SRI: variants seen among roughly 807,000 people sequenced by gnomAD.
SRI encodes the protein 22 kDa protein.
Under a neutral mutation model 33.3 loss-of-function variants are expected in SRI, and 30 were observed. The observed-to-expected ratio is 0.90, with a 90% CI of 0.67 to 1.22. The LOEUF (loss-of-function observed/expected upper bound fraction) is 1.22. Ranked by LOEUF, SRI falls within the 50% of genes most tolerant of loss-of-function variation. SRI has a pLI of 0.00. For synonymous variants in SRI, 75 were observed against 89.9 expected (o/e 0.83, Z 0.94); for missense variants, 243 against 250.8 (o/e 0.97, Z 0.21).
chr7:88,226,215 A>G (rs1249840806), intron 1 of SRI, among the ~76,000 whole-genome samples: 2 of 152,150 alleles, frequency 1.3e-5, no homozygotes, highest in African/African-American at 4.8e-5. Flanking sequence ...TTTTTCATAA[A>G]GGTCACTTTA....
At chr7:88,207,304 G>A (rs6961480) in intron 7 of SRI, among the ~76,000 whole-genome samples, 6,666 of 152,122 alleles carry the variant, frequency 0.044, 507 homozygotes, top group African/African-American at 0.15. Flanking sequence ...AACAGCAAGG[G>A]GACTGTCAAC....
upstream of SRI, chr7:88,220,091 C>A: frequency 6.9e-7 from 1 of 1,451,800 alleles, no homozygotes; most frequent in Non-Finnish European, 9.0e-7. Flanking sequence ...CTGCCCCGCC[C>A]CGCCCTGCCG....
intron 1 of SRI, 135 bp downstream of exon 1, chr7:88,219,841 A>T: frequency 9.1e-7 from 1 of 1,093,910 alleles, no homozygotes; most frequent in Admixed American, 2.5e-5. Flanking sequence ...CCGCGAGCGC[A>T]GGGAGAAGCC....
intron 1 of SRI, among the ~76,000 whole-genome samples, chr7:88,225,278 A>G (rs1410088727): frequency 2.0e-5 from 3 of 152,220 alleles, no homozygotes; most frequent in Admixed American, 2.0e-4. Flanking sequence ...GCCTATATAC[A>G]TATATGTGTA....
At chr7:88,219,865 G>A in intron 1 of SRI, 111 bp downstream of exon 1, 2 of 1,347,190 alleles carry the variant, frequency 1.5e-6, no homozygotes, top group Non-Finnish European at 2.0e-6. Flanking sequence ...GGCGGAAGGA[G>A]CCCGGGTAGC....
upstream of SRI, among the ~76,000 whole-genome samples, chr7:88,221,557 T>A (rs1253735499): frequency 1.3e-5 from 2 of 152,162 alleles, no homozygotes; most frequent in Non-Finnish European, 2.9e-5. Flanking sequence ...AAGACTCAAG[T>A]TTGAAAGAAG....
At chr7:88,222,138 G>T (rs375560949), upstream of SRI, among the ~76,000 whole-genome samples, 15 of 141,240 alleles carry the variant, frequency 1.1e-4, no homozygotes, top group Non-Finnish European at 1.8e-4. Context: ...GAATAATGCC[G>T]CAATAAACAT....
chr7:88,225,030 G>GA (rs1851966130), upstream of SRI, among the ~76,000 whole-genome samples: 1 of 152,164 alleles, frequency 6.6e-6, no homozygotes, highest in Admixed American at 6.5e-5. Context: ...GGAACTCAGA[G>GA]AAAGCAAACT....
chr7:88,220,177 C>T (rs987636378), upstream of SRI: 2 of 1,315,696 alleles, frequency 1.5e-6, no homozygotes, highest in East Asian at 3.2e-5. Flanking sequence ...CTTGCCTGTG[C>T]GCGCGGCCGT....
upstream of SRI, among the ~76,000 whole-genome samples, chr7:88,220,581 G>A (rs1851868077): frequency 6.6e-6 from 1 of 152,202 alleles, no homozygotes; most frequent in Non-Finnish European, 1.5e-5. Flanking sequence ...CGAACTGTGT[G>A]CAAGGGAGAG....
At chr7:88,212,329 G>A (rs1851598998) in intron 3 of SRI, among the ~76,000 whole-genome samples, 1 of 152,222 alleles carries the variant, frequency 6.6e-6, no homozygotes, top group Non-Finnish European at 1.5e-5. Context: ...GTGAGAGGAG[G>A]AGGAAGCACT....
upstream of SRI, among the ~76,000 whole-genome samples, chr7:88,220,966 C>A (rs182408800): frequency 2.6e-5 from 4 of 152,232 alleles, no homozygotes. Flanking sequence ...GCAATTCAGG[C>A]GTGAGCTTTT....
rs1851485741 is a variant in SRI, at chr7:88,208,434, G to A, written c.570+73C>T. On this transcript the variant is annotated intron_variant, in intron 7 of 7. Coordinates refer to ENST00000265729, the MANE Select transcript of SRI (RefSeq NM_003130.4). Reference sequence around the variant, plus strand: ...CCTTAACCTTAAGATATTCTTAACAGCTAATTTCAAAGGGATACCCATCTG... The same window carrying A: ...CCTTAACCTTAAGATATTCTTAACAACTAATTTCAAAGGGATACCCATCTG... The A allele has an allele frequency of 1.9e-6, 3 of 1,586,166 alleles. No individual in the cohort carries two copies. The Admixed American group carries it at 5.3e-5, about 28-fold the overall frequency.
chr7:88,219,868 C>A (rs940475044), intron 1 of SRI, 108 bp downstream of exon 1: 35 of 1,369,306 alleles, frequency 2.6e-5, no homozygotes, highest in South Asian at 1.7e-4. Flanking sequence ...GGAAGGAGCC[C>A]GGGTAGCCGC....
At chr7:88,214,658 TATTA>T (rs1851663596) in intron 3 of SRI, 1 of 165,218 alleles carries the variant, frequency 6.1e-6, no homozygotes, top group Non-Finnish European at 1.2e-5. Flanking sequence ...AAGTATTATA[TATTA>T]GTTACGTAAA....
rs1489552788 is a variant in SRI at position 88,209,386 on chromosome 7, G to T, written c.464C>A (p.Thr155Asn). Residue 155 changes from threonine to asparagine, a missense_variant, in exon 6 of 8, where the codon ACC becomes AAC. Transcript: ENST00000265729. ...GCAGCAGGCGATGTAGTCGTCGAAG[G>T]TGATCTTTCCATTGGTGCTGTATCG... ...AKRYSTNGKI[T>N]FDDYIACCVK... is the part of the protein sequence containing the mutation. The T allele has an allele frequency of 3.1e-6, 5 of 1,614,096 alleles. No individual in the cohort carries two copies. The highest frequency in any genetic ancestry group is 4.2e-6 in the Non-Finnish European group (5 of 1,179,984).
chr7:88,209,208 T>C, intron 6 of SRI, 131 bp downstream of exon 6: 1 of 688,118 alleles, frequency 1.5e-6, no homozygotes, highest in South Asian at 2.1e-5. Context: ...ATATGCTTAA[T>C]AGTAATCTGA....
intron 3 of SRI, among the ~76,000 whole-genome samples, chr7:88,215,757 A>G (rs1851693943): frequency 6.6e-6 from 1 of 152,226 alleles, no homozygotes. Context: ...AGGCCACTAT[A>G]AATTCACAGC....
Position 88,209,370 on chromosome 7 carries a change from G to A in SRI, c.480C>T (p.Ile160=), listed in dbSNP as rs141175413. Residue 160 remains isoleucine (I), a synonymous_variant, in exon 6 of 8, where the codon ATC becomes ATT. Coordinates refer to ENST00000265729, the MANE Select transcript of SRI (RefSeq NM_003130.4). ...GAGCCCTCAGTTTGACGCAGCAGGC[G>A]ATGTAGTCGTCGAAGGTGATCTTTC... ...TNGKITFDDY[I]ACCVKLRALT... is the part of the protein sequence containing the mutation. 7.4e-6 allele frequency: 12 copies of A among 1,613,898 alleles called. No homozygotes were observed. In the South Asian group the frequency reaches 7.7e-5, roughly 10 times the overall value.
Sources: gnomAD v4.1 joint callset for allele counts (sites outside exome capture counted in the v4.1 genomes callset) on GRCh38, gnomAD v4.1.1 for gene constraint, MANE v1.5 for transcripts, NCBI Gene and HGNC (gene_info 2026-07-23, HGNC 2026-07-21) for gene names.